The following MTMR10 variants were observed in gnomAD, a reference collection of about 807,000 sequenced individuals.
MTMR10 encodes myotubularin-related protein 10.
In MTMR10, 56 loss-of-function variants were observed where a neutral mutation model predicts 88.1. The observed-to-expected ratio is 0.64, with a 90% CI of 0.51 to 0.79. The LOEUF is 0.79. MTMR10 is among the 30% of genes least tolerant of loss of function. The pLI is 0.00. For missense variants in MTMR10, 883 were observed against 924.7 expected (o/e 0.95, Z 0.58); for synonymous variants, 380 against 340.9 (o/e 1.11, Z -1.26).
intron 10 of MTMR10, among the ~76,000 whole-genome samples, chr15:30,954,241 T>C (rs2063290083): frequency 1.3e-5 from 2 of 152,228 alleles, no homozygotes; most frequent in South Asian, 4.1e-4. Flanking sequence ...CTGCCTTTGC[T>C]GACTCCCTGG....
intron 10 of MTMR10, 87 bp from the exon 11 acceptor site, chr15:30,953,718 T>G: frequency 1.2e-6 from 1 of 861,802 alleles, no homozygotes. Context: ...TTTCTAATAT[T>G]TAAAAGTTAG....
At chr15:30,948,224 C>A in intron 13 of MTMR10, 78 bp downstream of exon 13, 1 of 1,329,068 alleles carries the variant, frequency 7.5e-7, no homozygotes. Context: ...TTTTTAAAAG[C>A]CCCTTCATCT....
the MTMR10 span, among the ~76,000 whole-genome samples, chr15:30,929,683 AATAT>A: frequency 8.6e-6 from 1 of 116,178 alleles, no homozygotes; most frequent in Non-Finnish European, 1.6e-5. Context: ...TATATCATAT[AATAT>A]ATATAAAATA....
At chr15:30,952,761 T>C (rs2063267541) in intron 11 of MTMR10, among the ~76,000 whole-genome samples, 3 of 152,136 alleles carry the variant, frequency 2.0e-5, no homozygotes, top group Non-Finnish European at 4.4e-5. Context: ...TTGGAATTAC[T>C]GGCATGAGCT....
In MTMR10 at chr15:30,948,357, A is replaced by G. The variant is rs1402816990; in HGVS notation, c.1322T>C (p.Met441Thr). ...FQSLIQKEWVMAGYQFLDRCN... is the reference protein window; with the variant it reads ...FQSLIQKEWVTAGYQFLDRCN... ...TCTGTCTAGAAACTGATATCCTGCCATGACCCACTCCTTCTGTATCAGACT... is the reference window on the plus strand; with the variant it reads ...TCTGTCTAGAAACTGATATCCTGCCGTGACCCACTCCTTCTGTATCAGACT... The change falls in exon 13 of 16, where the codon ATG (methionine) becomes ACG (threonine). Residue 441 changes from methionine (M) to threonine (T), a missense_variant. Coordinates refer to ENST00000435680, the MANE Select transcript of MTMR10 (RefSeq NM_017762.3). 6.2e-7 allele frequency: 1 copy of G among 1,613,876 alleles called. No homozygotes were observed. The highest frequency in any genetic ancestry group is 8.5e-7 in the Non-Finnish European group (1 of 1,179,834).
intron 14 of MTMR10, 45 bp downstream of exon 14, chr15:30,947,085 T>C (rs772182784): frequency 2.6e-6 from 4 of 1,540,534 alleles, no homozygotes; most frequent in African/African-American, 1.4e-5. Context: ...CTCGATAAAG[T>C]TGTAAAAACA....
downstream of MTMR10, among the ~76,000 whole-genome samples, chr15:30,936,609 TATG>T (rs549614008): frequency 7.1e-4 from 108 of 152,366 alleles, no homozygotes; most frequent in Admixed American, 1.4e-3. Flanking sequence ...CTTCTCAACT[TATG>T]ATGGCCTTAT....
At chr15:30,929,509 T>A in the MTMR10 span, 1 of 572,128 alleles carries the variant, frequency 1.7e-6, no homozygotes, top group African/African-American at 2.1e-5. Flanking sequence ...AATACATGTA[T>A]GTGTGTGCAT....
At chr15:30,976,343 T>C (rs1566965190) in intron 3 of MTMR10, among the ~76,000 whole-genome samples, 1 of 151,768 alleles carries the variant, frequency 6.6e-6, no homozygotes, top group Non-Finnish European at 1.5e-5. Flanking sequence ...CAGACAGAGG[T>C]TGCAGTGAGC....
Position 30,974,898 on chromosome 15 carries a change from T to C in MTMR10, c.331+33A>G, listed in dbSNP as rs1011351765. On this transcript the variant is annotated intron_variant, in intron 4 of 15. Coordinates refer to ENST00000435680, the MANE Select transcript of MTMR10 (RefSeq NM_017762.3). ...TCAAATAATACTTCCAGAGTGGAAT[T>C]GACTTTTAGAGTATGTACGGAATAC... 11 of 1,332,082 alleles carry C rather than the reference T, an allele frequency of 8.3e-6. No individual in the cohort carries two copies. In the African/African-American group the frequency reaches 8.9e-5, roughly 11 times the overall value. The allele number at this position is 1,332,082 out of a possible 1,614,324, so 82.5% of individuals were successfully genotyped here.
chr15:30,979,379 G>T (rs533817233), intron 2 of MTMR10, among the ~76,000 whole-genome samples: 140 of 151,046 alleles, frequency 9.3e-4, no homozygotes, highest in Non-Finnish European at 1.7e-3. Context: ...AGCCAACATG[G>T]TGAAACCCAT....
At chr15:30,972,247 AT>A (rs1467694797) in intron 5 of MTMR10, among the ~76,000 whole-genome samples, 1 of 152,156 alleles carries the variant, frequency 6.6e-6, no homozygotes, top group Non-Finnish European at 1.5e-5. Flanking sequence ...ATAAAAGAAT[AT>A]GCCATAATTT....
chr15:30,972,972 T>C (rs535653686), intron 5 of MTMR10, among the ~76,000 whole-genome samples: 1 of 152,332 alleles, frequency 6.6e-6, no homozygotes, highest in African/African-American at 2.4e-5. Flanking sequence ...AGTTCTGTGA[T>C]GTCCCTAATC....
intron 9 of MTMR10, 108 bp from the exon 10 acceptor site, chr15:30,955,001 C>T (rs2063302061): frequency 2.1e-6 from 2 of 952,130 alleles, no homozygotes; most frequent in East Asian, 3.2e-5. Flanking sequence ...CAGGTAAGGT[C>T]TCTGCCTTCA....
chr15:30,991,271 G>C (rs1009609965), intron 1 of MTMR10, 176 bp downstream of exon 1: 6 of 571,594 alleles, frequency 1.0e-5, no homozygotes, highest in African/African-American at 9.8e-5. Context: ...TTTTCGCCGA[G>C]CCAGTGGGGG....
intron 5 of MTMR10, among the ~76,000 whole-genome samples, chr15:30,968,578 A>ACACACAC (rs1555410069): frequency 7.0e-4 from 64 of 91,722 alleles, no homozygotes; most frequent in African/African-American, 2.8e-3. Context: ...CACACACACA[A>ACACACAC]ACTGTGTTTA....
chr15:30,922,729 T>C, the MTMR10 span, among the ~76,000 whole-genome samples: 2 of 152,268 alleles, frequency 1.3e-5, no homozygotes, highest in African/African-American at 2.4e-5. Context: ...TTTGTTGATT[T>C]GTAGCACAGG....
At chr15:30,933,250 T>C in the MTMR10 span, among the ~76,000 whole-genome samples, 2 of 152,206 alleles carry the variant, frequency 1.3e-5, no homozygotes, top group African/African-American at 2.4e-5. Flanking sequence ...TCTTTTCTAA[T>C]AGAGTTAGGT....
the MTMR10 span, chr15:30,928,695 C>A: frequency 2.5e-6 from 4 of 1,612,642 alleles, no homozygotes; most frequent in South Asian, 4.4e-5. Flanking sequence ...GGTCCTTCTG[C>A]ACACATCCGT....
Sources: allele counts gnomAD v4.1 joint callset (sites outside exome capture counted in the v4.1 genomes callset), GRCh38; gene constraint gnomAD v4.1.1; transcripts MANE v1.5; gene names NCBI Gene and HGNC (gene_info 2026-07-23, HGNC 2026-07-21).